Variants in DAB1 observed in about 807,000 individuals in gnomAD.
DAB1 encodes the protein DAB adaptor protein 1, also known as disabled homolog 1.
A neutral mutation model predicts 64.6 loss-of-function variants in DAB1; 15 were observed. The ratio of observed to expected loss-of-function variants is 0.23; its 90% CI spans 0.16 to 0.36. The LOEUF is 0.36. Ranked by LOEUF, DAB1 falls within the 10% of genes least tolerant of loss-of-function variation. The pLI is 1.00. For missense variants in DAB1, 596 were observed against 706.7 expected (o/e 0.84, Z 1.78); for synonymous variants, 235 against 251.9 (o/e 0.93, Z 0.64).
intron 5 of DAB1, among the ~76,000 whole-genome samples, chr1:58,025,649 GTGTATA>G (rs371508992): frequency 0.23 from 26,391 of 114,692 alleles, 3,425 homozygotes; most frequent in Non-Finnish European, 0.29. Flanking sequence ...ATATATATGT[GTGTATA>G]TATATATATA....
At chr1:57,798,075 C>T (rs1650954202) in intron 6 of DAB1, among the ~76,000 whole-genome samples, 1 of 152,158 alleles carries the variant, frequency 6.6e-6, no homozygotes, top group Non-Finnish European at 1.5e-5. Flanking sequence ...AAAATCAGGG[C>T]ATGAGGTGGC....
intron 1 of DAB1, among the ~76,000 whole-genome samples, chr1:57,320,359 G>A (rs542703714): frequency 6.6e-6 from 1 of 152,242 alleles, no homozygotes; most frequent in East Asian, 1.9e-4. Flanking sequence ...ACAGACACTG[G>A]CAACCAGATT....
chr1:57,781,112 C>G (rs1453431488), intron 6 of DAB1, among the ~76,000 whole-genome samples: 11 of 62,630 alleles, frequency 1.8e-4, no homozygotes, highest in African/African-American at 5.7e-4. Flanking sequence ...CTCTCTCTCT[C>G]TCTCTCTCTC....
intron 7 of DAB1, among the ~76,000 whole-genome samples, chr1:57,597,937 G>A (rs1645529704): frequency 1.3e-5 from 2 of 151,468 alleles, no homozygotes; most frequent in African/African-American, 4.9e-5. Context: ...TTAGACCTTG[G>A]GTATGTATCC....
At chr1:57,302,507 A>C (rs1394378661) in intron 1 of DAB1, among the ~76,000 whole-genome samples, 1 of 152,146 alleles carries the variant, frequency 6.6e-6, no homozygotes, top group Non-Finnish European at 1.5e-5. Context: ...GCAGCTCCCG[A>C]ATGGGAGCTA....
chr1:57,098,694 T>C (rs773880259), intron 4 of DAB1, among the ~76,000 whole-genome samples: 1 of 152,202 alleles, frequency 6.6e-6, no homozygotes, highest in Non-Finnish European at 1.5e-5. Context: ...TAGGGATTAA[T>C]TCTACCGGAC....
At chr1:57,562,596 A>T (rs1006905144) in intron 7 of DAB1, among the ~76,000 whole-genome samples, 3 of 152,178 alleles carry the variant, frequency 2.0e-5, no homozygotes, top group Non-Finnish European at 4.4e-5. Flanking sequence ...CATCCAATAT[A>T]TGGTACTGTG....
At chr1:57,770,022 G>GA (rs1649489062) in intron 6 of DAB1, among the ~76,000 whole-genome samples, 1 of 152,116 alleles carries the variant, frequency 6.6e-6, no homozygotes, top group African/African-American at 2.4e-5. Context: ...CTTAAGGGCA[G>GA]CATTGGATTA....
intron 4 of DAB1, among the ~76,000 whole-genome samples, chr1:58,285,343 C>T (rs116397400): frequency 0.028 from 4,315 of 152,088 alleles, 224 homozygotes; most frequent in African/African-American, 0.099. Context: ...GTATTCAAAT[C>T]GGAAGTCAAA....
chr1:58,436,216 G>C (rs1197196911), intron 3 of DAB1, among the ~76,000 whole-genome samples: 3 of 152,232 alleles, frequency 2.0e-5, no homozygotes, highest in Non-Finnish European at 4.4e-5. Context: ...CTTCATTGAG[G>C]AAATGAAGTG....
chr1:57,010,822 TCTCTC>T, intron 13 of DAB1, 32 bp from the exon 14 acceptor site: 1 of 1,461,536 alleles, frequency 6.8e-7, no homozygotes, highest in Non-Finnish European at 9.2e-7. Context: ...CTTTTTTTTT[TCTCTC>T]TTTTCAAGCA....
At chr1:58,024,725 AT>A (rs1477309370) in intron 5 of DAB1, among the ~76,000 whole-genome samples, 3 of 152,196 alleles carry the variant, frequency 2.0e-5, no homozygotes, top group Non-Finnish European at 4.4e-5. Context: ...TCTGGATGAT[AT>A]TAACATTTGA....
chr1:58,449,751 G>A (rs1645112074), intron 3 of DAB1, among the ~76,000 whole-genome samples: 2 of 52,120 alleles, frequency 3.8e-5, no homozygotes, highest in Non-Finnish European at 5.5e-5. Context: ...GAAGCCAGGC[G>A]GCTGTTTCCT....
intron 9 of DAB1, among the ~76,000 whole-genome samples, chr1:57,034,322 C>T (rs889883443): frequency 1.3e-5 from 2 of 150,966 alleles, no homozygotes; most frequent in African/African-American, 4.9e-5. Context: ...TCTGCAAGCT[C>T]AGTGCTCCCC....
At chr1:57,258,894 A>C (rs560496090) in intron 2 of DAB1, among the ~76,000 whole-genome samples, 1 of 152,070 alleles carries the variant, frequency 6.6e-6, no homozygotes, top group East Asian at 1.9e-4. Context: ...CCACCTCCCC[A>C]AGAGCTGGGG....
chr1:57,608,394 A>AAGAG (rs565399713), intron 7 of DAB1, among the ~76,000 whole-genome samples: 438 of 150,766 alleles, frequency 2.9e-3, no homozygotes, highest in Middle Eastern at 0.01. Flanking sequence ...ATATTAAAAA[A>AAGAG]AGAGAGAGAG....
At chr1:57,883,556 G>C (rs1644177745) in intron 1 of DAB1, among the ~76,000 whole-genome samples, 1 of 152,218 alleles carries the variant, frequency 6.6e-6, no homozygotes. Context: ...GCAGAAAGCA[G>C]CATATTTCTG....
chr1:57,491,415 G>C (rs1272301594), intron 7 of DAB1, among the ~76,000 whole-genome samples: 1 of 151,824 alleles, frequency 6.6e-6, no homozygotes, highest in Non-Finnish European at 1.5e-5. Context: ...GTGACAGAGC[G>C]AGACTCCATC....
intron 6 of DAB1, among the ~76,000 whole-genome samples, chr1:57,805,247 T>C (rs1298103620): frequency 2.0e-5 from 3 of 152,210 alleles, no homozygotes; most frequent in African/African-American, 4.8e-5. Context: ...GCATGGACTT[T>C]CCTTAAGAAA....
Sources: allele counts gnomAD v4.1 joint callset (sites outside exome capture counted in the v4.1 genomes callset), GRCh38; gene constraint gnomAD v4.1.1; transcripts MANE v1.5; gene names NCBI Gene and HGNC (gene_info 2026-07-23, HGNC 2026-07-21).